The following DPP6 variants were observed in gnomAD, a reference collection of about 807,000 sequenced individuals.
DPP6 encodes the protein A-type potassium channel modulatory protein DPP6.
DPP6 carries 69 observed loss-of-function variants against 122.6 expected under a neutral mutation model. The observed-to-expected ratio is 0.56, with a 90% CI of 0.46 to 0.69. DPP6 has a LOEUF of 0.69. Among genes scored for constraint, DPP6 ranks in the 30% least tolerant of loss-of-function variants. The probability of loss-of-function intolerance (pLI) is 0.00; values close to 1 mark genes in which losing one functional copy is unlikely to be tolerated. For missense variants in DPP6, 928 were observed against 1,116.9 expected (o/e 0.83, Z 2.41); for synonymous variants, 418 against 433.1 (o/e 0.97, Z 0.43).
At chr7:154,023,287 C>G (rs1188710799) in intron 1 of DPP6, among the ~76,000 whole-genome samples, 1 of 146,166 alleles carries the variant, frequency 6.8e-6, no homozygotes, top group Non-Finnish European at 1.5e-5. Flanking sequence ...ATAATACCTC[C>G]TACAGCAGGC....
intron 6 of DPP6, among the ~76,000 whole-genome samples, chr7:154,638,208 C>T (rs1207375402): frequency 6.6e-6 from 1 of 152,188 alleles, no homozygotes. Flanking sequence ...TCCTCTCAGG[C>T]AAGGTGAGGT....
At chr7:153,867,258 G>A in the DPP6 span, among the ~76,000 whole-genome samples, 83 of 152,186 alleles carry the variant, frequency 5.5e-4, no homozygotes, top group East Asian at 0.014. Flanking sequence ...CCATTTTCAC[G>A]ATATTGATTC....
intron 20 of DPP6, among the ~76,000 whole-genome samples, chr7:154,878,792 C>T (rs938056537): frequency 6.6e-6 from 1 of 152,186 alleles, no homozygotes; most frequent in African/African-American, 2.4e-5. Context: ...TCTCTGGGCT[C>T]AACTTGGGAT....
At chr7:154,672,812 CAT>C (rs921021755) in intron 7 of DPP6, among the ~76,000 whole-genome samples, 17 of 152,182 alleles carry the variant, frequency 1.1e-4, no homozygotes, top group Admixed American at 5.2e-4. Context: ...TCAGATAGCA[CAT>C]GTTTCAGTCT....
chr7:153,838,196 C>G, the DPP6 span, among the ~76,000 whole-genome samples: 1 of 152,074 alleles, frequency 6.6e-6, no homozygotes, highest in South Asian at 2.1e-4. Context: ...ACCAGGAATC[C>G]CATGCATAAG....
At chr7:154,400,972 G>C (rs1208827146) in intron 1 of DPP6, among the ~76,000 whole-genome samples, 1 of 152,156 alleles carries the variant, frequency 6.6e-6, no homozygotes, top group Non-Finnish European at 1.5e-5. Flanking sequence ...GGAGGCTGAG[G>C]AGGGCAGATC....
chr7:153,845,504 C>T, the DPP6 span, among the ~76,000 whole-genome samples: 1 of 151,826 alleles, frequency 6.6e-6, no homozygotes, highest in African/African-American at 2.4e-5. Context: ...AGATATGCCT[C>T]TCTTAAACAG....
chr7:154,702,911 TG>T (rs773160397), intron 7 of DPP6, among the ~76,000 whole-genome samples: 6 of 152,222 alleles, frequency 3.9e-5, no homozygotes, highest in Non-Finnish European at 8.8e-5. Context: ...ATTCAATGCC[TG>T]GCTTTAAAGC....
At chr7:153,977,198 G>GGGGT (rs1554424795) in intron 1 of DPP6, among the ~76,000 whole-genome samples, 5 of 149,730 alleles carry the variant, frequency 3.3e-5, no homozygotes, top group African/African-American at 1.2e-4. Context: ...TACCAATAGG[G>GGGGT]GTGTGTGTGT....
chr7:154,450,584 G>T (rs575237216), intron 2 of DPP6, among the ~76,000 whole-genome samples: 2 of 152,274 alleles, frequency 1.3e-5, no homozygotes, highest in South Asian at 4.1e-4. Flanking sequence ...AGAGAGCGTT[G>T]CAGTCTCCTG....
chr7:154,729,142 A>T (rs1312519659), intron 8 of DPP6, among the ~76,000 whole-genome samples: 2 of 152,186 alleles, frequency 1.3e-5, no homozygotes. Flanking sequence ...CCTTTTTTGA[A>T]TTCCACATGT....
At position 154,320,531 on chromosome 7, in the gene DPP6, C is replaced by T. The variant is rs138815618; in HGVS notation, c.244-125683C>T. ...CAGAATTTTCCTCTGTTGCCCAGGT[C>T]GGAGTGCAGCAGTGCGATCTCGGCT... is the stretch of plus-strand genomic sequence containing the variant. On this transcript the variant is annotated intron_variant, in intron 1 of 25. Coordinates refer to ENST00000377770, the MANE Select transcript of DPP6 (RefSeq NM_130797.4). 8.6e-5 allele frequency among the ~76,000 whole-genome samples: 13 copies of T among 151,954 alleles called. No homozygotes were observed. The East Asian group carries it at 1.7e-3, about 20-fold the overall frequency.
chr7:154,454,639 G>A (rs1820670393), intron 2 of DPP6, among the ~76,000 whole-genome samples: 1 of 152,084 alleles, frequency 6.6e-6, no homozygotes, highest in Non-Finnish European at 1.5e-5. Flanking sequence ...GAAAGGGATG[G>A]TAGCCAATGG....
intron 1 of DPP6, among the ~76,000 whole-genome samples, chr7:154,347,150 C>A (rs1434204510): frequency 6.6e-6 from 1 of 152,196 alleles, no homozygotes; most frequent in Non-Finnish European, 1.5e-5. Flanking sequence ...CTGCTCGGTT[C>A]ATGTAACGTA....
At chr7:154,183,650 C>A (rs1798208136) in intron 1 of DPP6, among the ~76,000 whole-genome samples, 1 of 152,190 alleles carries the variant, frequency 6.6e-6, no homozygotes, top group African/African-American at 2.4e-5. Flanking sequence ...CCCTGCTGGG[C>A]ACTGATCAGG....
intron 1 of DPP6, among the ~76,000 whole-genome samples, chr7:153,926,568 A>G (rs1460555351): frequency 6.6e-6 from 1 of 152,134 alleles, no homozygotes; most frequent in African/African-American, 2.4e-5. Flanking sequence ...ATGGAAGTTG[A>G]TAGGTGACTG....
At chr7:154,455,969 A>G (rs554236047) in intron 2 of DPP6, among the ~76,000 whole-genome samples, 185 of 152,060 alleles carry the variant, frequency 1.2e-3, no homozygotes, top group Non-Finnish European at 2.2e-3. Flanking sequence ...TAAGGACCAT[A>G]TTTTTACAAG....
In DPP6 at chr7:154,889,263, C is replaced by T. The variant is rs1806407760; in HGVS notation, c.2305-9C>T. 1 of 1,612,060 alleles carries T rather than the reference C, an allele frequency of 6.2e-7. No individual in the cohort carries two copies. The highest frequency in any genetic ancestry group is 1.3e-5 in the African/African-American group (1 of 74,958). ...CCCTAACTCTGTCCCCTTGCCCCCG[C>T]ATGTGCAGATGACCAAGGTAGCCCA... On this transcript the variant is annotated splice_polypyrimidine_tract_variant and intron_variant, in intron 23 of 25. Transcript: ENST00000377770.
In DPP6 at chr7:154,062,026, G is replaced by T. The variant is rs541718734; in HGVS notation, c.243+8963G>T. Among the ~76,000 whole-genome samples the T allele has an allele frequency of 2.0e-4, 24 of 118,316 alleles. 2 individuals carry two copies. Among genetic ancestry groups the T allele is most frequent in the East Asian group, 7.6e-4 (3 of 3,972 alleles). 77.6% of individuals were successfully genotyped at this position (118,316 alleles called of 152,430 possible). On this transcript the variant is annotated intron_variant, in intron 1 of 25. Transcript: ENST00000377770. ...GTACCCCCATCGCAGGGGGGGGGAG[G>T]CACCCCCCGCGAGGCAGGGACTGAC...
Sources: allele counts gnomAD v4.1 joint callset (sites outside exome capture counted in the v4.1 genomes callset), GRCh38; gene constraint gnomAD v4.1.1; transcripts MANE v1.5; gene names NCBI Gene and HGNC (gene_info 2026-07-23, HGNC 2026-07-21).